OSBPL10: variants seen among roughly 807,000 people sequenced by gnomAD.
OSBPL10 encodes oxysterol binding protein like 10.
In OSBPL10, 49 loss-of-function variants were observed where a neutral mutation model predicts 81.7. The ratio of observed to expected loss-of-function variants is 0.60; its 90% confidence interval spans 0.48 to 0.76. OSBPL10 has a LOEUF of 0.76. OSBPL10 is among the 30% of genes least tolerant of loss of function. The pLI, the probability that OSBPL10 is intolerant of heterozygous loss-of-function variation, is 0.00. For missense variants in OSBPL10, 923 were observed against 987.8 expected, an observed-to-expected ratio of 0.93 and a Z score of 0.88; for synonymous variants, 419 against 383.6, an observed-to-expected ratio of 1.09 and a Z score of -1.08.
chr3:31,911,318 C>T (rs576820450), intron 1 of OSBPL10, among the ~76,000 whole-genome samples: 2 of 152,226 alleles, frequency 1.3e-5, no homozygotes, highest in African/African-American at 2.4e-5. Context: ...CCCAACGAAA[C>T]TTTATGTATA....
rs540074669 is a variant in OSBPL10 at position 32,043,628 on chromosome 3, C to T, written n.298+2863G>A. On this transcript the variant is annotated intron_variant and non_coding_transcript_variant, in intron 2 of 3. Transcript: ENST00000479173. ...CGGTCCCTCCGTTTGGGATCCCTGA[C>T]TTCTCACAACACTATCACTCCTTTC... Among the ~76,000 whole-genome samples, 15 of 152,334 alleles carry T rather than the reference C, an allele frequency of 9.8e-5. No homozygotes were observed. In the South Asian group the frequency reaches 1.0e-3, roughly 11 times the overall value.
At chr3:31,877,406 T>A (rs1416535538) in intron 2 of OSBPL10, among the ~76,000 whole-genome samples, 1 of 152,218 alleles carries the variant, frequency 6.6e-6, no homozygotes, top group African/African-American at 2.4e-5. Context: ...CAAGTAGTCA[T>A]GTTGTATAGT....
rs912027467 is a variant in OSBPL10, at chr3:31,696,766, A to G, written c.1245+5593T>C. ...ACTCACTCTCTAGAGAAACTCATCCAGCCTCACGGCTTTGACCACCATCTA... is the reference window on the plus strand; with the variant it reads ...ACTCACTCTCTAGAGAAACTCATCCGGCCTCACGGCTTTGACCACCATCTA... On this transcript the variant is annotated intron_variant, in intron 7 of 11. Transcript: ENST00000396556. 4.6e-5 allele frequency among the ~76,000 whole-genome samples: 7 copies of G among 152,354 alleles called. 2 individuals are homozygous for G. Among genetic ancestry groups the G allele is most frequent in the Admixed American group, 2.0e-4 (3 of 15,308 alleles).
chr3:31,882,077 A>T (rs1223757083), intron 1 of OSBPL10, among the ~76,000 whole-genome samples: 1 of 152,230 alleles, frequency 6.6e-6, no homozygotes, highest in Non-Finnish European at 1.5e-5. Context: ...AGAGATAATG[A>T]AGCTGAAAGC....
chr3:31,901,459 T>C (rs1223573516), intron 1 of OSBPL10, among the ~76,000 whole-genome samples: 1 of 152,212 alleles, frequency 6.6e-6, no homozygotes, highest in African/African-American at 2.4e-5. Flanking sequence ...TCCCACTGTC[T>C]GGAAGTCTCT....
intron 2 of OSBPL10, among the ~76,000 whole-genome samples, chr3:32,024,648 C>T (rs188149315): frequency 1.9e-4 from 29 of 151,998 alleles, no homozygotes; most frequent in East Asian, 3.9e-4. Context: ...CCATGCTAGG[C>T]GAATTTTTGT....
At chr3:31,907,619 CAAAAAAAAAAAAAAAAAAAAAA>C (rs142840420) in intron 1 of OSBPL10, among the ~76,000 whole-genome samples, 3 of 63,862 alleles carry the variant, frequency 4.7e-5, no homozygotes, top group African/African-American at 2.1e-4. Context: ...ACCTCCATCT[CAAAAAAAAAAAAAAAAAAAAAA>C]AAAAAAAAAA....
chr3:32,058,625 C>T (rs1699730914), intron 1 of OSBPL10, among the ~76,000 whole-genome samples: 1 of 152,282 alleles, frequency 6.6e-6, no homozygotes, highest in African/African-American at 2.4e-5. Flanking sequence ...CCCCACCCAG[C>T]CTGAACTATT....
intron 2 of OSBPL10, among the ~76,000 whole-genome samples, chr3:32,002,502 C>T (rs1004086620): frequency 6.6e-6 from 1 of 152,144 alleles, no homozygotes; most frequent in South Asian, 2.1e-4. Flanking sequence ...GACCCAGGAA[C>T]CTGTTTGCTG....
At position 31,989,805 on chromosome 3, in the gene OSBPL10, C is replaced by T. The variant is rs372390432; in HGVS notation, n.298+56686G>A. 19 of 1,613,866 alleles carry T rather than the reference C, an allele frequency of 1.2e-5. No individual in the cohort carries two copies. The African/African-American group carries it at 2.4e-4, about 20-fold the overall frequency. On this transcript the variant is annotated intron_variant and non_coding_transcript_variant, in intron 2 of 3. Coordinates refer to the OSBPL10 transcript ENST00000479173. ...AGAGTGGCAAAGCCTTTAATTGTAG[C>T]TCACTCTTAAGGAAACATCAGATAA...
upstream of OSBPL10, among the ~76,000 whole-genome samples, chr3:31,985,099 C>T (rs569512453): frequency 3.5e-4 from 54 of 152,204 alleles, no homozygotes; most frequent in African/African-American, 1.0e-3. Context: ...ATTAGCTGGG[C>T]GTGGTCATAC....
intron 1 of OSBPL10, among the ~76,000 whole-genome samples, chr3:31,945,204 G>T (rs573767603): frequency 6.6e-6 from 1 of 150,650 alleles, no homozygotes; most frequent in Non-Finnish European, 1.5e-5. Context: ...CAAAAGGGGT[G>T]CCAGGGTCAT....
At chr3:31,740,823 GT>G (rs1220527612) in intron 5 of OSBPL10, among the ~76,000 whole-genome samples, 14 of 130,478 alleles carry the variant, frequency 1.1e-4, no homozygotes, top group Non-Finnish European at 2.0e-4. Flanking sequence ...GAAAAGAATG[GT>G]TATGATAAAC....
intron 1 of OSBPL10, among the ~76,000 whole-genome samples, chr3:31,971,643 C>T (rs73823912): frequency 0.031 from 4,705 of 152,300 alleles, 239 homozygotes; most frequent in African/African-American, 0.11. Context: ...TCAGAAACTA[C>T]ACTCTTAGCC....
intron 6 of OSBPL10, among the ~76,000 whole-genome samples, chr3:31,720,256 A>C (rs989794476): frequency 1.3e-5 from 2 of 152,072 alleles, no homozygotes; most frequent in Non-Finnish European, 2.9e-5. Flanking sequence ...CCCTCCTCCT[A>C]CTACTGCCAA....
At position 31,876,521 on chromosome 3, in the gene OSBPL10, G is replaced by C. The variant is rs1398954368; in HGVS notation, c.458-9C>G. 14 of 1,599,788 alleles carry C rather than the reference G, an allele frequency of 8.8e-6. No individual in the cohort carries two copies. The highest frequency in any genetic ancestry group is 1.3e-5 in the African/African-American group (1 of 74,592). On this transcript the variant is annotated splice_polypyrimidine_tract_variant and intron_variant, in intron 2 of 11. Transcript: ENST00000396556. The stretch of plus-strand genomic sequence containing the variant: ...CTCTTTTGCATCAGCAGCTAAAATA[G>C]AGAAAACAGAGAAAGAAATGATTGC...
At chr3:31,809,449 C>G (rs1480842420) in intron 4 of OSBPL10, among the ~76,000 whole-genome samples, 1 of 152,204 alleles carries the variant, frequency 6.6e-6, no homozygotes, top group South Asian at 2.1e-4. Context: ...AGCTGGATAA[C>G]TATGCCCCTA....
intron 1 of OSBPL10, among the ~76,000 whole-genome samples, chr3:32,074,226 C>T (rs796461199): frequency 1.6e-4 from 25 of 152,294 alleles, no homozygotes; most frequent in African/African-American, 6.0e-4. Context: ...ACTCCCCAGA[C>T]ATTTCACATC....
chr3:31,925,442 C>T (rs549256475), intron 1 of OSBPL10, among the ~76,000 whole-genome samples: 1 of 152,258 alleles, frequency 6.6e-6, no homozygotes, highest in Admixed American at 6.5e-5. Flanking sequence ...TTTGACTCCC[C>T]AGGACTACCA....
Sources: gnomAD v4.1 joint callset for allele counts (sites outside exome capture counted in the v4.1 genomes callset) on GRCh38, gnomAD v4.1.1 for gene constraint, MANE v1.5 for transcripts, NCBI Gene and HGNC (gene_info 2026-07-23, HGNC 2026-07-21) for gene names.